Variants in PJA2 observed in about 807,000 individuals in gnomAD.
PJA2 encodes E3 ubiquitin-protein ligase Praja-2.
In PJA2, 25 loss-of-function variants were observed where a neutral mutation model predicts 69.3. The ratio of observed to expected loss-of-function variants is 0.36; its 90% confidence interval spans 0.26 to 0.50. PJA2 has a LOEUF of 0.50. Among genes scored for constraint, PJA2 ranks in the 20% least tolerant of loss-of-function variants. PJA2 has a pLI of 0.96. For synonymous variants in PJA2, 308 were observed against 277.8 expected (o/e 1.11, Z -1.08); for missense variants, 809 against 830.2 (o/e 0.97, Z 0.31).
intron 7 of PJA2, among the ~76,000 whole-genome samples, chr5:109,351,832 T>C (rs1484271965): frequency 6.6e-6 from 1 of 152,124 alleles, no homozygotes; most frequent in African/African-American, 2.4e-5. Context: ...AGCAGTTTGT[T>C]TTGTTTTTGT....
At chr5:109,364,104 C>T (rs185538895) in intron 5 of PJA2, among the ~76,000 whole-genome samples, 19 of 152,300 alleles carry the variant, frequency 1.2e-4, no homozygotes, top group Admixed American at 1.0e-3. Flanking sequence ...GATCACACCA[C>T]TGCACTCCAG....
intron 6 of PJA2, among the ~76,000 whole-genome samples, chr5:109,361,807 G>A (rs147208641): frequency 6.6e-6 from 1 of 152,336 alleles, no homozygotes; most frequent in African/African-American, 2.4e-5. Flanking sequence ...ATAAAAGTCT[G>A]TTCTCCACAC....
At chr5:109,385,786 T>G (rs1380160257) in intron 1 of PJA2, among the ~76,000 whole-genome samples, 3 of 152,030 alleles carry the variant, frequency 2.0e-5, no homozygotes, top group Non-Finnish European at 4.4e-5. Context: ...GAACCAGAAG[T>G]GCGGATTTGG....
At position 109,345,284 on chromosome 5, in the gene PJA2, A is replaced by T. The variant is rs189992707; in HGVS notation, c.1765-465T>A. On this transcript the variant is annotated intron_variant, in intron 7 of 9. Transcript: ENST00000361189. ...GGCAGGAGAATTGCTTGAACCCAGG[A>T]GGTAGAGGTTGTAATGAGCCGAGAT... Among the ~76,000 whole-genome samples the T allele has an allele frequency of 1.1e-3, 168 of 150,116 alleles. 1 individual carries two copies. Among genetic ancestry groups the T allele is most frequent in the Admixed American group, 1.7e-3 (26 of 15,064 alleles).
Position 109,383,195 on chromosome 5 carries a change from C to T in PJA2, c.31+208G>A, listed in dbSNP as rs981047234. On this transcript the variant is annotated intron_variant, in intron 2 of 9. Coordinates refer to ENST00000361189, the MANE Select transcript of PJA2 (RefSeq NM_014819.5). ...AGTGGAAAGCATAAAGCTTTCCAAG[C>T]TAAATGGGTATGGAAAGAAAATACC... 3.9e-5 allele frequency among the ~76,000 whole-genome samples: 6 copies of T among 152,110 alleles called. 1 individual carries two copies. Among genetic ancestry groups the T allele is most frequent in the African/African-American group, 1.4e-4 (6 of 41,418 alleles).
At chr5:109,389,061 C>A (rs116511218) in intron 1 of PJA2, among the ~76,000 whole-genome samples, 2,254 of 152,258 alleles carry the variant, frequency 0.015, 49 homozygotes, top group African/African-American at 0.052. Flanking sequence ...TTTTATATCT[C>A]ACTGGATTAT....
chr5:109,363,802 C>G (rs1487367689), intron 5 of PJA2, among the ~76,000 whole-genome samples: 1 of 151,910 alleles, frequency 6.6e-6, no homozygotes, highest in African/African-American at 2.4e-5. Flanking sequence ...ATCAATGGTA[C>G]AGATCAAGAA....
intron 4 of PJA2, among the ~76,000 whole-genome samples, chr5:109,370,726 G>C (rs573624097): frequency 2.9e-4 from 44 of 152,126 alleles, no homozygotes; most frequent in Non-Finnish European, 5.9e-5. Context: ...CCTTGAGTAA[G>C]AACCTTCTAA....
rs1762147437 is a variant in PJA2 at position 109,344,834 on chromosome 5, G to A, written c.1765-15C>T. The A allele has an allele frequency of 2.0e-6, 3 of 1,530,622 alleles. No individual in the cohort carries two copies. Among genetic ancestry groups the A allele is most frequent in the Non-Finnish European group, 2.7e-6 (3 of 1,112,372 alleles). 94.8% of individuals were successfully genotyped at this position (1,530,622 alleles called of 1,614,324 possible). ...GCCAGAGCAGTCTGAAAAACAAAAG[G>A]TACAGTTCTTTGTTAGAAATACTTT... On this transcript the variant is annotated splice_polypyrimidine_tract_variant and intron_variant, in intron 7 of 9. Transcript: ENST00000361189.
intron 9 of PJA2, among the ~76,000 whole-genome samples, chr5:109,337,708 G>C (rs974916778): frequency 1.3e-5 from 2 of 152,034 alleles, no homozygotes; most frequent in Non-Finnish European, 2.9e-5. Context: ...GGAGGTCAGA[G>C]TTTAGCTCAA....
intron 4 of PJA2, 143 bp from the exon 5 acceptor site, chr5:109,368,889 C>CTGG (rs1417569243): frequency 1.3e-5 from 10 of 782,720 alleles, no homozygotes; most frequent in Non-Finnish European, 1.8e-5. Context: ...GAGATGGGGC[C>CTGG]TGGTGGGAGG....
At chr5:109,369,296 A>C (rs753653640) in intron 4 of PJA2, among the ~76,000 whole-genome samples, 1 of 152,224 alleles carries the variant, frequency 6.6e-6, no homozygotes, top group Non-Finnish European at 1.5e-5. Context: ...TGCTAATTCA[A>C]TCTTCAGACT....
chr5:109,356,049 G>GA (rs776177587), intron 6 of PJA2, 23 bp from the exon 7 acceptor site: 7 of 1,489,546 alleles, frequency 4.7e-6, no homozygotes, highest in Non-Finnish European at 4.6e-6. Context: ...AAAAATAACA[G>GA]AAAAAACTCA....
In PJA2 at chr5:109,409,943, C is replaced by G. The variant is rs940560713; in HGVS notation, c.-189G>C. On this transcript the variant is annotated 5_prime_UTR_variant, in exon 1 of 10. Coordinates refer to ENST00000361189, the MANE Select transcript of PJA2 (RefSeq NM_014819.5). ...AACTCCTCCCCCGCCGAACGCGAAG[C>G]GGCTGGCGGCTGTGGCGGCGGCGGC... 3 of 205,172 alleles carry G rather than the reference C, an allele frequency of 1.5e-5. No individual in the cohort carries two copies. The highest frequency in any genetic ancestry group is 6.4e-5 in the South Asian group (1 of 15,644). The allele number at this position is 205,172 out of a possible 1,614,324, so 12.7% of individuals were successfully genotyped here.
At chr5:109,399,567 C>G (rs898429779) in intron 1 of PJA2, among the ~76,000 whole-genome samples, 1 of 152,186 alleles carries the variant, frequency 6.6e-6, no homozygotes, top group Non-Finnish European at 1.5e-5. Flanking sequence ...GAAATCCAAA[C>G]CCATCTCAAT....
rs3805439 is a variant in PJA2, at chr5:109,362,158, A to T, written c.1652+682T>A. Among the ~76,000 whole-genome samples the T allele has an allele frequency of 2.6e-5, 4 of 152,246 alleles. No individual in the cohort carries two copies. In the East Asian group the frequency reaches 7.7e-4, roughly 29 times the overall value. The stretch of plus-strand genomic sequence containing the variant: ...CTTTTTTGCCCCAGAAAAAGTAAAA[A>T]AAGGGATCAGTTAGGAGGACATCCT... On this transcript the variant is annotated intron_variant, in intron 6 of 9. Coordinates refer to ENST00000361189, the MANE Select transcript of PJA2 (RefSeq NM_014819.5).
rs760626926 is a variant in PJA2, at chr5:109,344,316, A to G, written c.1880-5T>C. On this transcript the variant is annotated splice_polypyrimidine_tract_variant and splice_region_variant and intron_variant, in intron 8 of 9. Coordinates refer to ENST00000361189, the MANE Select transcript of PJA2 (RefSeq NM_014819.5). ...AGCATTGTTCCTGACCAATAGCTGA[A>G]AACAACAAATAATTCAGGTCAATCA... 1.3e-6 allele frequency: 2 copies of G among 1,587,246 alleles called. No individual in the cohort carries two copies. The highest frequency in any genetic ancestry group is 2.4e-5 in the South Asian group (2 of 84,944).
chr5:109,396,930 T>C (rs1271973678), intron 1 of PJA2, among the ~76,000 whole-genome samples: 2 of 152,140 alleles, frequency 1.3e-5, no homozygotes, highest in Non-Finnish European at 1.5e-5. Flanking sequence ...TTTAGTGATA[T>C]TGTCAGTGCT....
At chr5:109,395,787 T>A (rs1747392181) in intron 1 of PJA2, among the ~76,000 whole-genome samples, 1 of 151,426 alleles carries the variant, frequency 6.6e-6, no homozygotes, top group African/African-American at 2.4e-5. Context: ...TCACATGAGG[T>A]CAGGAGTTCA....
Sources: gnomAD v4.1 joint callset for allele counts (sites outside exome capture counted in the v4.1 genomes callset) on GRCh38, gnomAD v4.1.1 for gene constraint, MANE v1.5 for transcripts, NCBI Gene and HGNC (gene_info 2026-07-23, HGNC 2026-07-21) for gene names.